PDE1C: variants seen among roughly 807,000 people sequenced by gnomAD.
PDE1C encodes the protein phosphodiesterase 1C, also known as dual specificity calcium/calmodulin-dependent 3',5'-cyclic nucleotide phosphodiesterase 1C.
Under a neutral mutation model 93.1 loss-of-function variants are expected in PDE1C, and 62 were observed. The observed-to-expected ratio is 0.67, with a 90% CI of 0.54 to 0.82. The LOEUF is 0.82. Ranked by LOEUF, PDE1C falls within the 40% of genes least tolerant of loss-of-function variation. The probability of loss-of-function intolerance (pLI) is 0.00; values close to 1 mark genes in which losing one functional copy is unlikely to be tolerated. For synonymous variants in PDE1C, 325 were observed against 310.1 expected (o/e 1.05, Z -0.50); for missense variants, 742 against 884.6 (o/e 0.84, Z 2.04).
At chr7:32,197,200 T>C (rs1390519726) in intron 2 of PDE1C, among the ~76,000 whole-genome samples, 1 of 152,202 alleles carries the variant, frequency 6.6e-6, no homozygotes, top group East Asian at 1.9e-4. Context: ...TATTAAAATA[T>C]GCTAAACATT....
chr7:31,675,893 G>C, the PDE1C span, among the ~76,000 whole-genome samples: 1 of 152,148 alleles, frequency 6.6e-6, no homozygotes, highest in African/African-American at 2.4e-5. Context: ...AGCATCTACA[G>C]CAAAGCAGGT....
chr7:31,990,690 T>A (rs1053172617), intron 2 of PDE1C, among the ~76,000 whole-genome samples: 1 of 152,184 alleles, frequency 6.6e-6, no homozygotes, highest in Non-Finnish European at 1.5e-5. Flanking sequence ...CCAAAATTAA[T>A]ACAAATTTGC....
chr7:32,328,351 T>G (rs770710719), intron 1 of PDE1C, among the ~76,000 whole-genome samples: 8 of 152,186 alleles, frequency 5.3e-5, no homozygotes, highest in Non-Finnish European at 1.2e-4. Context: ...CAGAGAAATA[T>G]TATCAAACAC....
intron 2 of PDE1C, among the ~76,000 whole-genome samples, chr7:31,958,578 G>C (rs1252313410): frequency 1.3e-5 from 2 of 152,172 alleles, no homozygotes; most frequent in South Asian, 2.1e-4. Flanking sequence ...CACAGTGCCT[G>C]TCGAACAGTA....
intron 16 of PDE1C, chr7:31,789,950 G>A: frequency 2.5e-6 from 3 of 1,201,040 alleles, no homozygotes; most frequent in South Asian, 6.5e-5. Context: ...AGGATTTTGA[G>A]GATGCCCCTT....
intron 1 of PDE1C, among the ~76,000 whole-genome samples, chr7:32,298,427 C>A (rs936326505): frequency 1.3e-5 from 2 of 152,118 alleles, no homozygotes; most frequent in Non-Finnish European, 2.9e-5. Context: ...CCAGCTTCCG[C>A]GCGACGCCGG....
At chr7:31,828,494 T>C (rs1300863590) in intron 11 of PDE1C, 121 bp from the exon 12 acceptor site, 1 of 636,164 alleles carries the variant, frequency 1.6e-6, no homozygotes, top group Non-Finnish European at 2.7e-6. Flanking sequence ...ACAATTACAT[T>C]ATAAAATAAG....
chr7:32,188,678 C>T lies in PDE1C; in HGVS notation c.137-18722G>A, dbSNP rs1804038028. On this transcript the variant is annotated intron_variant, in intron 2 of 18. Coordinates refer to the PDE1C transcript ENST00000396193. ...AGTAGGATTTGCATTTTTCTTTGGG[C>T]TTCTATATTCAGAAGCCTACCTTTC... Among the ~76,000 whole-genome samples the T allele has an allele frequency of 2.0e-5, 3 of 151,990 alleles. No individual in the cohort carries two copies. The South Asian group carries it at 6.2e-4, about 32-fold the overall frequency.
intron 9 of PDE1C, among the ~76,000 whole-genome samples, chr7:31,846,765 G>A (rs909054266): frequency 6.6e-6 from 1 of 152,122 alleles, no homozygotes; most frequent in African/African-American, 2.4e-5. Flanking sequence ...AAATTGGATA[G>A]AGGGTTCCTT....
the PDE1C span, chr7:31,652,623 C>G: frequency 4.3e-6 from 7 of 1,613,628 alleles, no homozygotes; most frequent in Non-Finnish European, 5.9e-6. Context: ...TAAAATCCAC[C>G]CAGGCATGGC....
the PDE1C span, chr7:31,696,984 A>G: frequency 6.2e-7 from 1 of 1,614,102 alleles, no homozygotes. Context: ...CAGAACATTT[A>G]ATTAAAAGAT....
At position 31,753,069 on chromosome 7, in the gene PDE1C, A is replaced by T. The variant is rs879177544; in HGVS notation, c.*315T>A. 2 of 177,846 alleles carry T rather than the reference A, an allele frequency of 1.1e-5. No individual in the cohort carries two copies. Among genetic ancestry groups the T allele is most frequent in the South Asian group, 2.0e-4 (1 of 5,044 alleles). The allele number at this position is 177,846 out of a possible 1,614,324, so 11.0% of individuals were successfully genotyped here. ...AAAAAGTGGCAATGAGAGGAATTTT[A>T]TTTTTTTTTAAGTTTGTGTCATTTT... On this transcript the variant is annotated 3_prime_UTR_variant, in exon 18 of 18. Coordinates refer to ENST00000396191, the MANE Select transcript of PDE1C (RefSeq NM_001191057.4).
chr7:32,386,089 C>CT lies in PDE1C; in HGVS notation c.310+41732dup, dbSNP rs3079658. 2.7e-3 allele frequency among the ~76,000 whole-genome samples: 366 copies of CT among 137,514 alleles called. 2 individuals carry two copies. Among genetic ancestry groups the CT allele is most frequent in the African/African-American group, 9.3e-3 (340 of 36,610 alleles). The allele number at this position is 137,514 out of a possible 152,430, so 90.2% of individuals were successfully genotyped here. ...CCTTTGTCCCTCCACCTTTTTCTTT[C>CT]TTTTTTTTTTTTTTTTTTCCAGAAA... On this transcript the variant is annotated intron_variant, in intron 1 of 1. Coordinates refer to the PDE1C transcript ENST00000672256.
chr7:31,789,877 C>A, intron 16 of PDE1C: 1 of 1,047,478 alleles, frequency 9.5e-7, no homozygotes, highest in Non-Finnish European at 1.1e-6. Context: ...CCTCTCCCAG[C>A]ATATCCAGGA....
At chr7:31,833,144 A>G (rs988485573) in intron 11 of PDE1C, among the ~76,000 whole-genome samples, 4 of 152,172 alleles carry the variant, frequency 2.6e-5, no homozygotes, top group African/African-American at 9.7e-5. Context: ...TTACAAGGGG[A>G]AACCCCTTTC....
At chr7:32,168,126 C>T (rs559031121) in intron 3 of PDE1C, among the ~76,000 whole-genome samples, 51 of 152,260 alleles carry the variant, frequency 3.3e-4, no homozygotes, top group African/African-American at 1.2e-3. Context: ...TAATGGATTT[C>T]TTGTCTCAAT....
rs560148211 is a variant in PDE1C, at chr7:32,366,411, C to T, written c.310+61411G>A. Among the ~76,000 whole-genome samples the T allele has an allele frequency of 4.6e-4, 70 of 151,998 alleles. 1 individual carries two copies. The highest frequency in any genetic ancestry group is 4.5e-3 in the Admixed American group (69 of 15,264). Reference sequence around the variant, plus strand: ...AAGGAAAAAGAATGAAGAAAGCCTACGAGATTTATGGAACACAATTAAGTG... The same window carrying T: ...AAGGAAAAAGAATGAAGAAAGCCTATGAGATTTATGGAACACAATTAAGTG... On this transcript the variant is annotated intron_variant, in intron 1 of 1. Transcript: ENST00000672256.
chr7:32,213,533 G>A (rs957748358), intron 1 of PDE1C, among the ~76,000 whole-genome samples: 4 of 152,168 alleles, frequency 2.6e-5, no homozygotes, highest in African/African-American at 9.7e-5. Context: ...TCTGTCCCCA[G>A]TGCACAACTG....
the PDE1C span, chr7:31,651,952 C>CA: frequency 6.3e-7 from 1 of 1,596,844 alleles, no homozygotes; most frequent in Non-Finnish European, 8.5e-7. Context: ...GGAGGCCGAG[C>CA]AACTGCAAAC....
Sources: gnomAD v4.1 joint callset for allele counts (sites outside exome capture counted in the v4.1 genomes callset) on GRCh38, gnomAD v4.1.1 for gene constraint, MANE v1.5 for transcripts, NCBI Gene and HGNC (gene_info 2026-07-23, HGNC 2026-07-21) for gene names.